OCA2: variants seen among roughly 807,000 people sequenced by gnomAD.
The protein encoded by OCA2 is P protein.
Under a neutral mutation model 100.2 loss-of-function variants are expected in OCA2, and 77 were observed. The ratio of observed to expected loss-of-function variants is 0.77; its 90% CI spans 0.64 to 0.93. OCA2 has a LOEUF of 0.93. OCA2 is among the 40% of genes least tolerant of loss of function. The probability of loss-of-function intolerance (pLI) is 0.00; values close to 1 mark genes in which losing one functional copy is unlikely to be tolerated. For synonymous variants in OCA2, 432 were observed against 439.2 expected (o/e 0.98, Z 0.21); for missense variants, 1,062 against 1,089.1 (o/e 0.98, Z 0.35).
At chr15:28,088,893 A>G (rs1238053911) in intron 1 of OCA2, among the ~76,000 whole-genome samples, 6 of 152,194 alleles carry the variant, frequency 3.9e-5, no homozygotes, top group African/African-American at 9.7e-5. Context: ...AGAGCAGACA[A>G]TCGGTCTGAC....
At chr15:27,852,019 C>A (rs1235109187) in intron 21 of OCA2, among the ~76,000 whole-genome samples, 2 of 152,184 alleles carry the variant, frequency 1.3e-5, no homozygotes, top group Non-Finnish European at 2.9e-5. Context: ...CTGCTCCCTG[C>A]CAGGCACCCT....
intron 15 of OCA2, among the ~76,000 whole-genome samples, chr15:27,958,727 T>A (rs943220105): frequency 3.3e-5 from 5 of 152,218 alleles, no homozygotes; most frequent in African/African-American, 4.8e-5. Context: ...ACATTACATA[T>A]GTTTCTCAAA....
In OCA2 at chr15:27,770,882, G is replaced by T. The variant is rs185347667; in HGVS notation, c.2433-15410C>A. On this transcript the variant is annotated intron_variant, in intron 23 of 23. Coordinates refer to ENST00000354638, the MANE Select transcript of OCA2 (RefSeq NM_000275.3). ...TCTTCCTTCCTTCCCTCCTTCCTTT[G>T]CTCCTTCCCATCTCCTTTTCCTTCC... Among the ~76,000 whole-genome samples the T allele has an allele frequency of 9.3e-4, 43 of 46,472 alleles. 1 individual carries two copies. The highest frequency in any genetic ancestry group is 2.8e-3 in the African/African-American group (39 of 14,094). The allele number at this position is 46,472 out of a possible 152,430, so 30.5% of individuals were successfully genotyped here. A position where few individuals can be genotyped will look rare whatever the true frequency, so the allele number is the denominator to read the frequency against.
At chr15:27,794,538 G>A (rs2033240181) in intron 23 of OCA2, among the ~76,000 whole-genome samples, 1 of 152,136 alleles carries the variant, frequency 6.6e-6, no homozygotes, top group Non-Finnish European at 1.5e-5. Flanking sequence ...AAACCTAACG[G>A]GCCATGACTG....
chr15:28,027,644 A>T (rs1263708052), intron 4 of OCA2, among the ~76,000 whole-genome samples: 1 of 152,192 alleles, frequency 6.6e-6, no homozygotes, highest in Non-Finnish European at 1.5e-5. Flanking sequence ...GTACTGTGTC[A>T]ATCATTTAGG....
At chr15:28,014,182 C>A (rs1264412576) in intron 9 of OCA2, among the ~76,000 whole-genome samples, 1 of 152,130 alleles carries the variant, frequency 6.6e-6, no homozygotes, top group African/African-American at 2.4e-5. Context: ...CAACAACGGA[C>A]CTGCCCAGCC....
At chr15:27,993,559 C>T (rs1247582375) in intron 9 of OCA2, among the ~76,000 whole-genome samples, 1 of 152,128 alleles carries the variant, frequency 6.6e-6, no homozygotes, top group Non-Finnish European at 1.5e-5. Context: ...AATGAGCAAA[C>T]GACAAGGCAG....
intron 14 of OCA2, among the ~76,000 whole-genome samples, chr15:27,978,673 G>A (rs12439609): frequency 6.6e-6 from 1 of 151,280 alleles, no homozygotes; most frequent in South Asian, 2.1e-4. Context: ...TATATATATA[G>A]AGAGAGAGAG....
intron 4 of OCA2, among the ~76,000 whole-genome samples, chr15:28,026,509 A>C (rs1181551274): frequency 6.6e-6 from 1 of 152,168 alleles, no homozygotes. Context: ...CCTTCTTCTC[A>C]TCAGGAAGAA....
intron 23 of OCA2, among the ~76,000 whole-genome samples, chr15:27,804,909 G>C (rs576923834): frequency 6.6e-6 from 1 of 152,224 alleles, no homozygotes; most frequent in South Asian, 2.1e-4. Context: ...TCTCAGCACC[G>C]GGCAGACACA....
the OCA2 span, among the ~76,000 whole-genome samples, chr15:27,729,489 C>A: frequency 6.6e-6 from 1 of 152,132 alleles, no homozygotes; most frequent in Non-Finnish European, 1.5e-5. Context: ...GGAATTGCCA[C>A]AATTCGTTAC....
chr15:27,779,904 T>C (rs2032448890), intron 23 of OCA2, among the ~76,000 whole-genome samples: 2 of 152,332 alleles, frequency 1.3e-5, no homozygotes, highest in East Asian at 1.9e-4. Context: ...CTGATATGCT[T>C]TGAATAAATT....
intron 9 of OCA2, among the ~76,000 whole-genome samples, chr15:27,992,814 G>C (rs2041599020): frequency 6.6e-6 from 1 of 152,166 alleles, no homozygotes; most frequent in African/African-American, 2.4e-5. Flanking sequence ...GGACGGAAAG[G>C]AGACTTCCAG....
At chr15:28,018,097 CAAA>C (rs368311380) in intron 7 of OCA2, among the ~76,000 whole-genome samples, 20 of 115,004 alleles carry the variant, frequency 1.7e-4, no homozygotes, top group Non-Finnish European at 1.9e-4. Context: ...TCAACGACAC[CAAA>C]AAAAAAAAAA....
chr15:27,781,786 A>G (rs2032554997), intron 23 of OCA2, among the ~76,000 whole-genome samples: 1 of 152,228 alleles, frequency 6.6e-6, no homozygotes. Context: ...GCCTAAAGGT[A>G]ACGTACATAC....
chr15:27,765,379 T>G (rs889836979), intron 23 of OCA2, among the ~76,000 whole-genome samples: 1 of 152,122 alleles, frequency 6.6e-6, no homozygotes, highest in East Asian at 1.9e-4. Context: ...CTGAAGAAAC[T>G]CCCCAGGCTT....
intron 17 of OCA2, among the ~76,000 whole-genome samples, chr15:27,952,633 C>CTCTT (rs1052465149): frequency 4.6e-5 from 7 of 152,030 alleles, no homozygotes; most frequent in African/African-American, 7.2e-5. Context: ...CAGGTCCTTT[C>CTCTT]TCTTTCTTTC....
At chr15:27,919,241 C>T (rs905388272) in intron 19 of OCA2, among the ~76,000 whole-genome samples, 1 of 152,046 alleles carries the variant, frequency 6.6e-6, no homozygotes, top group African/African-American at 2.4e-5. Flanking sequence ...CTAGGTGGTG[C>T]AATTATCCTC....
chr15:28,019,620 A>C (rs1357114460), intron 6 of OCA2, among the ~76,000 whole-genome samples: 1 of 152,172 alleles, frequency 6.6e-6, no homozygotes, highest in Non-Finnish European at 1.5e-5. Context: ...TCCTCCCCTC[A>C]CAGCAGACAC....
Sources: gnomAD v4.1 joint callset for allele counts (sites outside exome capture counted in the v4.1 genomes callset) on GRCh38, gnomAD v4.1.1 for gene constraint, MANE v1.5 for transcripts, NCBI Gene and HGNC (gene_info 2026-07-23, HGNC 2026-07-21) for gene names.